ATG2A: variants seen among roughly 807,000 people sequenced by gnomAD.
The protein encoded by ATG2A is autophagy related 2A, also known as autophagy-related protein 2 homolog A.
ATG2A carries 103 observed loss-of-function variants against 214.2 expected under a neutral mutation model. The observed-to-expected ratio is 0.48, with a 90% CI of 0.41 to 0.57. ATG2A has a LOEUF of 0.57. ATG2A is among the 20% of genes least tolerant of loss of function. ATG2A has a pLI of 0.00. For missense variants in ATG2A, 2,312 were observed against 2,613.2 expected (o/e 0.88, Z 2.51); for synonymous variants, 1,160 against 1,142.1 (o/e 1.02, Z -0.32).
At position 64,909,740 on chromosome 11, in the gene ATG2A, C is replaced by T. The variant is rs756413354; in HGVS notation, c.2048G>A (p.Ser683Asn). The T allele has an allele frequency of 5.0e-6, 8 of 1,613,154 alleles. No homozygotes were observed. The Admixed American group carries it at 6.7e-5, about 13-fold the overall frequency. ...GGGGACTGGGGGACCAGGCCCACTG[C>T]TAAGCTCTGACCGGAACTGGGGCTC... The part of the protein sequence containing the change: ...LSEPQFRSEL[S>N]SGPGPPVPTH... The change falls in exon 14 of 41, where the codon AGC becomes AAC. Residue 683 changes from serine (S) to asparagine (N), a missense_variant. Ser to Asn is a conservative substitution (Grantham distance 46). Transcript: ENST00000377264.
chr11:64,909,769 C>T lies in ATG2A; in HGVS notation c.2019G>A (p.Leu673=). 6.2e-7 allele frequency: 1 copy of T among 1,612,766 alleles called. No homozygotes were observed. Among genetic ancestry groups the T allele is most frequent in the Non-Finnish European group, 8.5e-7 (1 of 1,179,948 alleles). ...AVRAEQLRLE[L]SEPQFRSELS... Reference sequence around the variant, plus strand: ...GCTCTGACCGGAACTGGGGCTCACTCAGCTCCAGCCGAAGCTGCTCAGCCC... The same window carrying T: ...GCTCTGACCGGAACTGGGGCTCACTTAGCTCCAGCCGAAGCTGCTCAGCCC... Residue 673 remains leucine, a synonymous_variant, in exon 14 of 41, where the codon CTG becomes CTA. Coordinates refer to ENST00000377264, the MANE Select transcript of ATG2A (RefSeq NM_015104.3).
chr11:64,903,853 A>G lies in ATG2A; in HGVS notation c.3465-193T>C, dbSNP rs1944446661. 6.6e-6 allele frequency among the ~76,000 whole-genome samples: 1 copy of G among 152,220 alleles called. No individual in the cohort carries two copies. The highest frequency in any genetic ancestry group is 1.5e-5 in the Non-Finnish European group (1 of 68,034). On this transcript the variant is annotated intron_variant, in intron 24 of 40. Coordinates refer to ENST00000377264, the MANE Select transcript of ATG2A (RefSeq NM_015104.3). The surrounding 1 kb of genome is among the most constrained non-coding windows in gnomAD (Gnocchi z 4.2). ...GAAGCGGGCAGCACTTGCAGCTCTC[A>G]AAGTGCCTGCAGTTCCGACACCTCA...
chr11:64,901,920 C>T (rs1040248897), intron 29 of ATG2A, 42 bp downstream of exon 29: 2 of 1,601,092 alleles, frequency 1.2e-6, no homozygotes, highest in African/African-American at 1.3e-5. Context: ...TCCAAACACA[C>T]CTGCCTGGAC....
Position 64,905,357 on chromosome 11 carries a change from T to C in ATG2A, c.3464+206A>G, listed in dbSNP as rs140396516. Among the ~76,000 whole-genome samples the C allele has an allele frequency of 3.7e-3, 568 of 152,272 alleles. 2 individuals are homozygous for C. Among genetic ancestry groups the C allele is most frequent in the African/African-American group, 0.013 (547 of 41,542 alleles). ...CCTAGGACAACCCTCAGACATGAGATTACAGGTCAGAGAGCACAAATGCTT... is the reference window on the plus strand; with the variant it reads ...CCTAGGACAACCCTCAGACATGAGACTACAGGTCAGAGAGCACAAATGCTT... On this transcript the variant is annotated intron_variant, in intron 24 of 40. Coordinates refer to ENST00000377264, the MANE Select transcript of ATG2A (RefSeq NM_015104.3).
chr11:64,902,224 A>G (rs1944376135), intron 28 of ATG2A, 36 bp downstream of exon 28: 1 of 1,612,968 alleles, frequency 6.2e-7, no homozygotes, highest in South Asian at 1.1e-5. Context: ...TGGGTGCCTG[A>G]CTGTGTCTGC....
Position 64,914,457 on chromosome 11 carries a change from A to G in ATG2A, c.215T>C (p.Leu72Pro). The G allele has an allele frequency of 6.2e-7, 1 of 1,613,002 alleles. No individual in the cohort carries two copies. The change falls in exon 2 of 41, where the codon CTG becomes CCG. Residue 72 changes from leucine (L) to proline (P), a missense_variant. Leu to Pro is a moderately conservative substitution (Grantham distance 98). Transcript: ENST00000377264. Reference sequence around the variant, plus strand: ...GATGGAGCCCACGAAGCCTTCCACCAGCTCCAGCGGTGACTCCATTGACTC... The same window carrying G: ...GATGGAGCCCACGAAGCCTTCCACCGGCTCCAGCGGTGACTCCATTGACTC... ...VLESMESPLE[L>P]VEGFVGSIEV... is the part of the protein sequence containing the mutation.
At chr11:64,909,956 C>T (rs549701170) in intron 13 of ATG2A, 32 bp from the exon 14 acceptor site, 25 of 1,581,906 alleles carry the variant, frequency 1.6e-5, no homozygotes, top group East Asian at 1.1e-4. Flanking sequence ...GAGCAGCCGT[C>T]GGAGCCCCTC....
At chr11:64,914,745 GATA>G (rs2136648634) in intron 1 of ATG2A, among the ~76,000 whole-genome samples, 1 of 152,170 alleles carries the variant, frequency 6.6e-6, no homozygotes, top group South Asian at 2.1e-4. Flanking sequence ...CTTAATTCAA[GATA>G]ATATTTACCG....
rs1177684973 is a variant in ATG2A, at chr11:64,894,627, C to T, written c.*346G>A. 2.4e-5 allele frequency: 14 copies of T among 584,720 alleles called. No homozygotes were observed. The highest frequency in any genetic ancestry group is 1.2e-4 in the South Asian group (8 of 65,696). 36.2% of individuals were successfully genotyped at this position (584,720 alleles called of 1,614,324 possible). A position where few individuals can be genotyped will look rare whatever the true frequency, so the allele number is the denominator to read the frequency against. Reference sequence around the variant, plus strand: ...CTTAAAAATAATACATCGAACCACACGGATATCATCCCCTCCTCCCCCCAG... The same window carrying T: ...CTTAAAAATAATACATCGAACCACATGGATATCATCCCCTCCTCCCCCCAG... On this transcript the variant is annotated 3_prime_UTR_variant, in exon 41 of 41. Transcript: ENST00000377264.
rs1246214731 is a variant in ATG2A, at chr11:64,903,684, G to C, written c.3465-24C>G. On this transcript the variant is annotated intron_variant, in intron 24 of 40. Coordinates refer to ENST00000377264, the MANE Select transcript of ATG2A (RefSeq NM_015104.3). This position sits in a 1 kb window ranked among gnomAD's most constrained non-coding sequence, Gnocchi z 4.2. Reference sequence around the variant, plus strand: ...ACCTGGGGGGGAACAGGGCTGAGAAGGGCCCGGGCACCGCTGCAGGGGGCA... The same window carrying C: ...ACCTGGGGGGGAACAGGGCTGAGAACGGCCCGGGCACCGCTGCAGGGGGCA... 1.1e-5 allele frequency: 17 copies of C among 1,544,558 alleles called. No individual in the cohort carries two copies. In the South Asian group the frequency reaches 1.8e-4, roughly 16 times the overall value.
In ATG2A at chr11:64,896,395, GGAGCT is replaced by G. The variant is rs148956551; in HGVS notation, c.5427+62_5427+66del. 3.9e-3 allele frequency: 5,959 copies of G among 1,527,246 alleles called. 168 individuals are homozygous for G. In the African/African-American group the frequency reaches 0.07, roughly 18 times the overall value. The allele number at this position is 1,527,246 out of a possible 1,614,324, so 94.6% of individuals were successfully genotyped here. A position where few individuals can be genotyped will look rare whatever the true frequency, so the allele number is the denominator to read the frequency against. On this transcript the variant is annotated intron_variant, in intron 39 of 40. Coordinates refer to ENST00000377264, the MANE Select transcript of ATG2A (RefSeq NM_015104.3). ...TGAGGAGCTTTGAGGACAGAACCAG[GGAGCT>G]GTGGTGCAGAGGGCTCCAGCTGCTC... is the stretch of plus-strand genomic sequence containing the variant.
chr11:64,914,514 A>G lies in ATG2A; in HGVS notation c.172-14T>C, dbSNP rs1410081781. The G allele has an allele frequency of 1.2e-6, 2 of 1,610,514 alleles. No homozygotes were observed. The highest frequency in any genetic ancestry group is 1.7e-5 in the Admixed American group (1 of 59,744). ...CTCGTTCACAGACTGGGAGCAAGCA[A>G]GAGACAAAACCAGCTCAGGGAAACC... On this transcript the variant is annotated splice_polypyrimidine_tract_variant and intron_variant, in intron 1 of 40. Coordinates refer to ENST00000377264, the MANE Select transcript of ATG2A (RefSeq NM_015104.3).
In ATG2A at chr11:64,906,498, C is replaced by G. The variant is rs1944555088; in HGVS notation, c.3019G>C (p.Asp1007His). ...VDDYPLPSHLDLPSFAPPAQL... is the reference protein window; with the variant it reads ...VDDYPLPSHLHLPSFAPPAQL... ...GCCGGGGGAGCGAAACTGGGAAGGT[C>G]CAGGTGACTGGGCAGCGGGTAGTCA... The change falls in exon 21 of 41, where the codon GAC becomes CAC. Residue 1007 changes from aspartate (D) to histidine (H), a missense_variant. Transcript: ENST00000377264. 1 of 1,613,146 alleles carries G rather than the reference C, an allele frequency of 6.2e-7. No individual in the cohort carries two copies. Among genetic ancestry groups the G allele is most frequent in the Admixed American group, 1.7e-5 (1 of 59,990 alleles).
rs760624492 is a variant in ATG2A at position 64,895,067 on chromosome 11, G to A, written c.5723C>T (p.Thr1908Met). ...VKPLILATEA[T>M]SSLLGGMRNQ... is the part of the protein sequence containing the mutation. The stretch of plus-strand genomic sequence containing the variant: ...GCGCATGCCCCCGAGCAGGCTGGAC[G>A]TGGCCTCCGTGGCCAGGATGAGCGG... Residue 1908 changes from threonine (T) to methionine (M), a missense_variant, in exon 41 of 41, where the codon ACG (threonine) becomes ATG (methionine). Transcript: ENST00000377264. This position sits in a 1 kb window ranked among gnomAD's most constrained non-coding sequence, Gnocchi z 5.0. 8.1e-6 allele frequency: 13 copies of A among 1,612,830 alleles called. No individual in the cohort carries two copies. The highest frequency in any genetic ancestry group is 5.5e-5 in the South Asian group (5 of 91,066).
chr11:64,898,251 G>GACCACTCA lies in ATG2A; in HGVS notation c.4773+2_4773+9dup. On this transcript the variant is annotated intron_variant, in intron 33 of 40. Coordinates refer to ENST00000377264, the MANE Select transcript of ATG2A (RefSeq NM_015104.3). This position sits in a 1 kb window ranked among gnomAD's most constrained non-coding sequence, Gnocchi z 4.5. The stretch of plus-strand genomic sequence containing the variant: ...TCACCCTAGGCTCTGCCCTCACGTA[G>GACCACTCA]ACCACTCACCTGGTCCACATTGAGC... 1.2e-6 allele frequency: 2 copies of GACCACTCA among 1,613,788 alleles called. No individual in the cohort carries two copies. Among genetic ancestry groups the GACCACTCA allele is most frequent in the Non-Finnish European group, 1.7e-6 (2 of 1,179,838 alleles).
In ATG2A at chr11:64,895,055, A is replaced by G; in HGVS notation, c.5735T>C (p.Leu1912Pro). ...GACAATCTGGTTGCGCATGCCCCCG[A>G]GCAGGCTGGACGTGGCCTCCGTGGC... is the stretch of plus-strand genomic sequence containing the variant. ...ILATEATSSLLGGMRNQIVPD... is the reference protein window; with the variant it reads ...ILATEATSSLPGGMRNQIVPD... The change falls in exon 41 of 41, where the codon CTC becomes CCC. Residue 1912 changes from leucine (L) to proline (P), a missense_variant. Physicochemically the swap from Leu to Pro is moderately conservative, Grantham distance 98 (BLOSUM62 -3). Coordinates refer to ENST00000377264, the MANE Select transcript of ATG2A (RefSeq NM_015104.3). This position sits in a 1 kb window ranked among gnomAD's most constrained non-coding sequence, Gnocchi z 5.0. 6.2e-7 allele frequency: 1 copy of G among 1,613,232 alleles called. No individual in the cohort carries two copies. Among genetic ancestry groups the G allele is most frequent in the Non-Finnish European group, 8.5e-7 (1 of 1,179,742 alleles).
At position 64,895,059 on chromosome 11, in the gene ATG2A, G is replaced by A; in HGVS notation, c.5731C>T (p.Leu1911=). 1 of 1,613,218 alleles carries A rather than the reference G, an allele frequency of 6.2e-7. No individual in the cohort carries two copies. Among genetic ancestry groups the A allele is most frequent in the Non-Finnish European group, 8.5e-7 (1 of 1,179,790 alleles). ...LILATEATSS[L]LGGMRNQIVP... ...ATCTGGTTGCGCATGCCCCCGAGCA[G>A]GCTGGACGTGGCCTCCGTGGCCAGG... Residue 1911 remains leucine, a synonymous_variant, in exon 41 of 41, where the codon CTG becomes TTG. Transcript: ENST00000377264. The surrounding 1 kb of genome is among the most constrained non-coding windows in gnomAD (Gnocchi z 5.0).
chr11:64,908,913 C>T, intron 16 of ATG2A, 78 bp downstream of exon 16: 1 of 1,515,738 alleles, frequency 6.6e-7, no homozygotes, highest in South Asian at 1.2e-5. Context: ...GGCCCACAGC[C>T]ACACAGGTGG....
In ATG2A at chr11:64,909,883, C is replaced by T. The variant is rs1012030476; in HGVS notation, c.1905G>A (p.Arg635=). 2 of 1,607,734 alleles carry T rather than the reference C, an allele frequency of 1.2e-6. No homozygotes were observed. Among genetic ancestry groups the T allele is most frequent in the South Asian group, 1.1e-5 (1 of 90,944 alleles). The change falls in exon 14 of 41, where the codon CGG becomes CGA. Residue 635 remains arginine (R), a synonymous_variant. Transcript: ENST00000377264. The part of the protein sequence containing the change: ...LPAMEQQTVF[R]LSAPRATLRL... ...GCAGCGTGGCCCGGGGTGCAGAGAG[C>T]CGAAATACCGTCTGCTGCTCCATCG...
Sources: allele counts gnomAD v4.1 joint callset (sites outside exome capture counted in the v4.1 genomes callset), GRCh38; gene constraint gnomAD v4.1.1; non-coding constraint Gnocchi (gnomAD v3.1); transcripts MANE v1.5; gene names NCBI Gene and HGNC (gene_info 2026-07-23, HGNC 2026-07-21).